Variants in LINGO2 observed in about 807,000 individuals in gnomAD.
The protein encoded by LINGO2 is leucine rich repeat and Ig domain containing 2, also known as leucine-rich repeat and immunoglobulin-like domain-containing nogo receptor-interacting protein 2.
Under a neutral mutation model 30.6 loss-of-function variants are expected in LINGO2, and 14 were observed. The ratio of observed to expected loss-of-function variants is 0.46; its 90% CI spans 0.30 to 0.72. The LOEUF (loss-of-function observed/expected upper bound fraction) is 0.72, where lower values mean the gene tolerates loss of function less well. Ranked by LOEUF, LINGO2 falls within the 30% of genes least tolerant of loss-of-function variation. The pLI is 0.07. For missense variants in LINGO2, 729 were observed against 751.7 expected (o/e 0.97, Z 0.35); for synonymous variants, 317 against 288.5 (o/e 1.10, Z -1.00).
chr9:29,197,412 C>T, the LINGO2 span, among the ~76,000 whole-genome samples: 1 of 152,010 alleles, frequency 6.6e-6, no homozygotes, highest in Non-Finnish European at 1.5e-5. Flanking sequence ...TGATCATCAA[C>T]TTGGCGTAGA....
chr9:28,023,316 G>A (rs984497326), intron 4 of LINGO2, among the ~76,000 whole-genome samples: 3 of 152,162 alleles, frequency 2.0e-5, no homozygotes, highest in African/African-American at 7.2e-5. Context: ...CTGGCTAGAA[G>A]TTGAACTGTG....
intron 4 of LINGO2, among the ~76,000 whole-genome samples, chr9:28,176,407 A>T (rs1366515591): frequency 6.6e-6 from 1 of 152,186 alleles, no homozygotes; most frequent in Non-Finnish European, 1.5e-5. Context: ...CATCTATAGT[A>T]GCAGTTTTCA....
chr9:29,010,608 A>G, the LINGO2 span, among the ~76,000 whole-genome samples: 2 of 152,214 alleles, frequency 1.3e-5, no homozygotes, highest in Non-Finnish European at 2.9e-5. Context: ...CTAAAATACA[A>G]CATCAATTTT....
At chr9:28,747,113 A>T in the LINGO2 span, among the ~76,000 whole-genome samples, 1 of 151,644 alleles carries the variant, frequency 6.6e-6, no homozygotes, top group Non-Finnish European at 1.5e-5. Flanking sequence ...GGCCAACCAC[A>T]CCCCCCTATC....
At chr9:28,680,824 G>T in the LINGO2 span, among the ~76,000 whole-genome samples, 20 of 151,868 alleles carry the variant, frequency 1.3e-4, no homozygotes, top group Admixed American at 2.6e-4. Context: ...GTTATTTGTT[G>T]TCCTGCTATT....
the LINGO2 span, among the ~76,000 whole-genome samples, chr9:28,812,211 A>C: frequency 2.0e-5 from 3 of 152,266 alleles, no homozygotes; most frequent in South Asian, 6.2e-4. Flanking sequence ...GCTACCTGTC[A>C]AATTTAAATA....
intron 5 of LINGO2, among the ~76,000 whole-genome samples, chr9:27,965,730 G>A (rs1820069935): frequency 6.6e-6 from 1 of 151,974 alleles, no homozygotes; most frequent in East Asian, 1.9e-4. Context: ...GAAATACTTG[G>A]ACATATATAG....
At chr9:28,205,920 C>T (rs555268678) in intron 4 of LINGO2, among the ~76,000 whole-genome samples, 3 of 152,096 alleles carry the variant, frequency 2.0e-5, no homozygotes, top group South Asian at 2.1e-4. Context: ...CGGTGGCTCA[C>T]GCCTGTTATC....
At chr9:28,536,657 T>C (rs1303516968) in intron 1 of LINGO2, among the ~76,000 whole-genome samples, 2 of 152,230 alleles carry the variant, frequency 1.3e-5, no homozygotes, top group East Asian at 3.9e-4. Context: ...AAAATTGTGA[T>C]AAATATACAC....
At chr9:28,633,181 C>G (rs2135892097) in intron 1 of LINGO2, among the ~76,000 whole-genome samples, 2 of 152,098 alleles carry the variant, frequency 1.3e-5, no homozygotes, top group African/African-American at 4.8e-5. Flanking sequence ...AAGGGTGGAT[C>G]TGCCTTCCCC....
At chr9:28,094,330 G>A (rs1327120292) in intron 4 of LINGO2, among the ~76,000 whole-genome samples, 1 of 152,072 alleles carries the variant, frequency 6.6e-6, no homozygotes, top group African/African-American at 2.4e-5. Context: ...CAAGTAACAG[G>A]AAGTAGTTTG....
intron 5 of LINGO2, among the ~76,000 whole-genome samples, chr9:28,006,144 GAAAA>G (rs532985215): frequency 2.6e-4 from 40 of 151,564 alleles, no homozygotes; most frequent in African/African-American, 8.7e-4. Flanking sequence ...CCTTCCGGAA[GAAAA>G]AAAGAAAAAA....
chr9:28,171,270 A>C (rs1349590000), intron 4 of LINGO2, among the ~76,000 whole-genome samples: 1 of 152,228 alleles, frequency 6.6e-6, no homozygotes, highest in African/African-American at 2.4e-5. Context: ...TCTGCAGGGA[A>C]GGACATGGAA....
At chr9:28,863,015 A>G in the LINGO2 span, among the ~76,000 whole-genome samples, 1 of 152,102 alleles carries the variant, frequency 6.6e-6, no homozygotes, top group Admixed American at 6.6e-5. Context: ...GAATAGGACT[A>G]TAGATACTGT....
chr9:28,859,236 C>T, the LINGO2 span, among the ~76,000 whole-genome samples: 19 of 152,102 alleles, frequency 1.2e-4, no homozygotes, highest in African/African-American at 4.6e-4. Context: ...TAGTTTACTT[C>T]TTTAATTATT....
At chr9:28,413,811 C>A (rs890050300) in intron 2 of LINGO2, among the ~76,000 whole-genome samples, 1 of 151,984 alleles carries the variant, frequency 6.6e-6, no homozygotes, top group African/African-American at 2.4e-5. Context: ...TAAATTAATA[C>A]TTGATTATAA....
chr9:28,307,268 G>A (rs879363338), intron 3 of LINGO2, among the ~76,000 whole-genome samples: 41 of 152,118 alleles, frequency 2.7e-4, no homozygotes, highest in Non-Finnish European at 5.0e-4. Context: ...TGCAAGGCTG[G>A]TTCAATATAT....
At chr9:28,483,561 A>T (rs1826057086) in intron 1 of LINGO2, among the ~76,000 whole-genome samples, 1 of 151,912 alleles carries the variant, frequency 6.6e-6, no homozygotes, top group African/African-American at 2.4e-5. Context: ...AAAAAAAGAT[A>T]AAAAAAGAAC....
At chr9:28,005,557 T>C (rs1822223043) in intron 5 of LINGO2, among the ~76,000 whole-genome samples, 1 of 152,142 alleles carries the variant, frequency 6.6e-6, no homozygotes, top group Admixed American at 6.6e-5. Context: ...ATATACTTAT[T>C]TTTTAAGTGA....
Sources: allele counts gnomAD v4.1 joint callset (sites outside exome capture counted in the v4.1 genomes callset), GRCh38; gene constraint gnomAD v4.1.1; transcripts MANE v1.5; gene names NCBI Gene and HGNC (gene_info 2026-07-23, HGNC 2026-07-21).